The following MYOM1 variants were observed in gnomAD, a reference collection of about 807,000 sequenced individuals.
The protein encoded by MYOM1 is myomesin-1.
In MYOM1, 164 loss-of-function variants were observed where a neutral mutation model predicts 205.3. The ratio of observed to expected loss-of-function variants is 0.80; its 90% CI spans 0.70 to 0.91. MYOM1 has a LOEUF of 0.91. Ranked by LOEUF, MYOM1 falls within the 40% of genes least tolerant of loss-of-function variation. MYOM1 has a pLI of 0.00. For missense variants in MYOM1, 2,011 were observed against 2,127.3 expected (o/e 0.95, Z 1.08); for synonymous variants, 772 against 789.4 (o/e 0.98, Z 0.37).
Position 3,135,269 on chromosome 18 carries a change from C to T in MYOM1, c.2209+278G>A, listed in dbSNP as rs539661402. The T allele has an allele frequency of 1.2e-5, 4 of 323,046 alleles. No individual in the cohort carries two copies. Among genetic ancestry groups the T allele is most frequent in the Non-Finnish European group, 2.3e-5 (4 of 176,846 alleles). 20.0% of individuals were successfully genotyped at this position (323,046 alleles called of 1,614,324 possible). A position where few individuals can be genotyped will look rare whatever the true frequency, so the allele number is the denominator to read the frequency against. The stretch of plus-strand genomic sequence containing the variant: ...CTGGCCTACATTGTATTTTTTAAAG[C>T]AAAAAATTTTAAAACAGTTAGGGAG... On this transcript the variant is annotated intron_variant, in intron 15 of 37. Transcript: ENST00000356443. This position sits in a 1 kb window ranked among gnomAD's most constrained non-coding sequence, Gnocchi z 4.1.
intron 9 of MYOM1, among the ~76,000 whole-genome samples, chr18:3,165,558 C>T (rs548179011): frequency 6.6e-6 from 1 of 152,288 alleles, no homozygotes; most frequent in South Asian, 2.1e-4. Context: ...AGATTCAAAC[C>T]TCCTTGAAGA....
At chr18:3,140,339 G>A (rs867861006) in intron 14 of MYOM1, among the ~76,000 whole-genome samples, 2 of 151,960 alleles carry the variant, frequency 1.3e-5, no homozygotes, top group East Asian at 1.9e-4. Flanking sequence ...CCAGGGAGGC[G>A]GAGGTTGCAG....
chr18:3,244,145 C>T, the MYOM1 span, among the ~76,000 whole-genome samples: 1 of 152,156 alleles, frequency 6.6e-6, no homozygotes, highest in Non-Finnish European at 1.5e-5. Flanking sequence ...CTGGCTTCTC[C>T]CCACTAGATG....
In MYOM1 at chr18:3,215,142, G is replaced by T; in HGVS notation, c.82C>A (p.His28Asn). The change falls in exon 2 of 38, where the codon CAC (histidine) becomes AAC (asparagine). Residue 28 changes from histidine to asparagine, a missense_variant. Transcript: ENST00000356443. ...RNKDVRSTVS[H>N]YQREKKRSAV... ...GAGCGTTTCTTCTCCCGCTGGTAGT[G>T]ACTCACGGTGCTGCGCACGTCCTTG... The T allele has an allele frequency of 6.2e-7, 1 of 1,613,856 alleles. No individual in the cohort carries two copies. Among genetic ancestry groups the T allele is most frequent in the Non-Finnish European group, 8.5e-7 (1 of 1,179,852 alleles).
intron 21 of MYOM1, among the ~76,000 whole-genome samples, chr18:3,113,298 CTATATATATATATATATATATATA>C (rs70964105): frequency 1.4e-5 from 2 of 145,238 alleles, no homozygotes; most frequent in African/African-American, 5.3e-5. Context: ...GTGTTTGTGT[CTATATATATATATATATATATATA>C]TATATATATA....
the MYOM1 span, among the ~76,000 whole-genome samples, chr18:3,238,695 T>C: frequency 6.6e-6 from 1 of 152,118 alleles, no homozygotes; most frequent in African/African-American, 2.4e-5. Context: ...ATCTTGTAGG[T>C]TGGAAGTCCA....
the MYOM1 span, among the ~76,000 whole-genome samples, chr18:3,226,121 G>T: frequency 6.6e-6 from 1 of 152,164 alleles, no homozygotes; most frequent in East Asian, 1.9e-4. This position sits in a 1 kb window ranked among gnomAD's most constrained non-coding sequence, Gnocchi z 4.6. Context: ...CTGTTCATTT[G>T]TAACCCTAAT....
At chr18:3,203,161 A>G (rs1567966789) in intron 2 of MYOM1, among the ~76,000 whole-genome samples, 1 of 151,534 alleles carries the variant, frequency 6.6e-6, no homozygotes, top group Admixed American at 6.6e-5. Context: ...TTAGAGGGAC[A>G]TATATAGCTT....
chr18:3,083,886 C>G lies in MYOM1; in HGVS notation c.4387G>C (p.Ala1463Pro). The change falls in exon 33 of 38, where the codon GCT becomes CCT. Residue 1463 changes from alanine (A) to proline (P), a missense_variant. Ala to Pro is a conservative substitution (Grantham distance 27). Transcript: ENST00000356443. ...GTGCTCTGGATTTTCAGGTCTGTAG[C>G]AGACAAAGCTGAAAGAAGAAAATAG... The part of the protein sequence containing the change: ...MEVCKKIALS[A>P]TDLKIQSTAE... 6.3e-7 allele frequency: 1 copy of G among 1,580,072 alleles called. No individual in the cohort carries two copies. Among genetic ancestry groups the G allele is most frequent in the Non-Finnish European group, 8.6e-7 (1 of 1,161,350 alleles).
Position 3,215,046 on chromosome 18 carries a change from C to T in MYOM1, c.178G>A (p.Ala60Thr), listed in dbSNP as rs1278839565. 1.9e-6 allele frequency: 3 copies of T among 1,613,212 alleles called. No individual in the cohort carries two copies. The highest frequency in any genetic ancestry group is 1.1e-5 in the South Asian group (1 of 91,038). ...SSAAHRRESE[A>T]FRRASASSSQ... ...GAGGAGGCGGACGCCCGACGGAAGG[C>T]CTCGGACTCCCGGCGGTGCGCGGCG... is the stretch of plus-strand genomic sequence containing the variant. The change falls in exon 2 of 38, where the codon GCC becomes ACC. Residue 60 changes from alanine (A) to threonine (T), a missense_variant. Transcript: ENST00000356443.
rs771574423 is a variant in MYOM1 at position 3,116,362 on chromosome 18, T to C, written c.3272A>G (p.Asn1091Ser). The C allele has an allele frequency of 2.2e-5, 36 of 1,612,454 alleles. No individual in the cohort carries two copies. Among genetic ancestry groups the C allele is most frequent in the Non-Finnish European group, 2.6e-5 (31 of 1,179,784 alleles). The stretch of plus-strand genomic sequence containing the variant: ...GTATACGTTTTTAATAGCCGCCTCA[T>C]TGAGCCCTCGCCACTGGTCTTCTTT... ...KAKEDQWRGL[N>S]EAAIKNVYLK... The change falls in exon 21 of 38, where the codon AAT (asparagine) becomes AGT (serine). Residue 1091 changes from asparagine (N) to serine (S), a missense_variant. Physicochemically the swap from Asn to Ser is conservative, Grantham distance 46 (BLOSUM62 1). Coordinates refer to ENST00000356443, the MANE Select transcript of MYOM1 (RefSeq NM_003803.4).
the MYOM1 span, among the ~76,000 whole-genome samples, chr18:3,244,869 A>G: frequency 6.6e-6 from 1 of 151,990 alleles, no homozygotes; most frequent in African/African-American, 2.4e-5. Flanking sequence ...ACTGCACTCC[A>G]GCCTGGGCGA....
chr18:3,104,995 C>T (rs1598674237), intron 22 of MYOM1, among the ~76,000 whole-genome samples: 2 of 152,192 alleles, frequency 1.3e-5, no homozygotes, highest in East Asian at 1.9e-4. Flanking sequence ...GTGATCCACC[C>T]GCCTTGGCCG....
chr18:3,177,858 T>C (rs1338155861), intron 5 of MYOM1, among the ~76,000 whole-genome samples: 1 of 152,184 alleles, frequency 6.6e-6, no homozygotes, highest in East Asian at 1.9e-4. Context: ...TTGGAAGAAT[T>C]TATAATATAA....
At chr18:3,243,048 C>A in the MYOM1 span, among the ~76,000 whole-genome samples, 1 of 152,078 alleles carries the variant, frequency 6.6e-6, no homozygotes, top group Admixed American at 6.6e-5. Context: ...TTTTTTATCT[C>A]ATTTATCATC....
intron 20 of MYOM1, among the ~76,000 whole-genome samples, chr18:3,119,319 G>A (rs1180281806): frequency 6.6e-6 from 1 of 152,090 alleles, no homozygotes; most frequent in Non-Finnish European, 1.5e-5. Context: ...CCCTAGACAG[G>A]TGCACGAAAT....
At chr18:3,121,120 T>G (rs187103643) in intron 19 of MYOM1, among the ~76,000 whole-genome samples, 8 of 152,202 alleles carry the variant, frequency 5.3e-5, no homozygotes, top group African/African-American at 1.7e-4. Flanking sequence ...AAAAGTTGAT[T>G]AATAGACATG....
rs777867284 is a variant in MYOM1, at chr18:3,124,216, C to T, written c.2991+2485G>A. On this transcript the variant is annotated intron_variant, in intron 19 of 37. Coordinates refer to ENST00000356443, the MANE Select transcript of MYOM1 (RefSeq NM_003803.4). ...GACCAGTGGAACAGCATGGGAAGCA[C>T]GAACACAGACTCACGCATATAAGGA... Among the ~76,000 whole-genome samples, 93 of 151,220 alleles carry T rather than the reference C, an allele frequency of 6.1e-4. 3 individuals carry two copies. The highest frequency in any genetic ancestry group is 5.3e-4 in the Non-Finnish European group (36 of 67,966).
At chr18:3,226,928 G>A in the MYOM1 span, among the ~76,000 whole-genome samples, 1 of 152,222 alleles carries the variant, frequency 6.6e-6, no homozygotes, top group African/African-American at 2.4e-5. The surrounding 1 kb of genome is among the most constrained non-coding windows in gnomAD (Gnocchi z 4.6). Flanking sequence ...GACAACTGCT[G>A]TGAGCCCCTC....
Sources: allele counts gnomAD v4.1 joint callset (sites outside exome capture counted in the v4.1 genomes callset), GRCh38; gene constraint gnomAD v4.1.1; non-coding constraint Gnocchi (gnomAD v3.1); transcripts MANE v1.5; gene names NCBI Gene and HGNC (gene_info 2026-07-23, HGNC 2026-07-21).